PRRC2C: variants seen among roughly 807,000 people sequenced by gnomAD.
PRRC2C encodes proline rich coiled-coil 2C.
A neutral mutation model predicts 317.2 loss-of-function variants in PRRC2C; 72 were observed. The ratio of observed to expected loss-of-function variants is 0.23; its 90% CI spans 0.19 to 0.28. The LOEUF is 0.28. PRRC2C is among the 10% of genes least tolerant of loss of function. The probability of loss-of-function intolerance (pLI) is 1.00; values close to 1 mark genes in which losing one functional copy is unlikely to be tolerated. For synonymous variants in PRRC2C, 1,296 were observed against 1,205.9 expected, an observed-to-expected ratio of 1.07 and a Z score of -1.55; for missense variants, 3,074 against 3,459.7, an observed-to-expected ratio of 0.89 and a Z score of 2.80.
At chr1:171,516,132 C>A (rs1201416978) in intron 5 of PRRC2C, among the ~76,000 whole-genome samples, 3 of 152,084 alleles carry the variant, frequency 2.0e-5, no homozygotes, top group African/African-American at 7.2e-5. Context: ...TCATGTATAC[C>A]AATATTTGGA....
intron 25 of PRRC2C, 110 bp downstream of exon 25, chr1:171,575,238 TC>T (rs1685500975): frequency 1.8e-6 from 2 of 1,098,658 alleles, no homozygotes; most frequent in Non-Finnish European, 2.6e-6. Context: ...TATTCAATCT[TC>T]CCACCTCAGC....
At chr1:171,561,126 A>G (rs1402599735) in intron 20 of PRRC2C, 23 bp downstream of exon 20, 7 of 1,542,712 alleles carry the variant, frequency 4.5e-6, no homozygotes, top group Admixed American at 1.7e-5. Context: ...TTTTAACAGC[A>G]TAGGTGTGCT....
intron 6 of PRRC2C, among the ~76,000 whole-genome samples, 161 bp from the exon 7 acceptor site, chr1:171,522,016 A>G (rs948723040): frequency 2.5e-4 from 38 of 152,142 alleles, no homozygotes; most frequent in Non-Finnish European, 1.3e-4. Flanking sequence ...ATGGGTTGCT[A>G]TTGAGGATGA....
At chr1:171,503,523 CAAA>C (rs796466638) in intron 1 of PRRC2C, among the ~76,000 whole-genome samples, 1 of 126,418 alleles carries the variant, frequency 7.9e-6, no homozygotes. Context: ...GACTCCATCT[CAAA>C]AAAAAAAAAA....
At chr1:171,511,440 G>GA (rs1199660786) in intron 1 of PRRC2C, 5 of 151,990 alleles carry the variant, frequency 3.3e-5, no homozygotes, top group East Asian at 3.9e-4. Flanking sequence ...TATATGCTTT[G>GA]AAAAAAATGG....
chr1:171,509,014 G>A (rs1456853016), intron 1 of PRRC2C, among the ~76,000 whole-genome samples: 1 of 151,928 alleles, frequency 6.6e-6, no homozygotes, highest in African/African-American at 2.4e-5. Context: ...AGCCTCCCGA[G>A]TAGCTGGGAC....
chr1:171,546,567 A>G (rs772262403), intron 17 of PRRC2C, among the ~76,000 whole-genome samples: 13 of 152,100 alleles, frequency 8.5e-5, no homozygotes, highest in Non-Finnish European at 1.5e-4. Context: ...CATTACCTGG[A>G]AATTTGTGAG....
intron 6 of PRRC2C, among the ~76,000 whole-genome samples, 171 bp downstream of exon 6, chr1:171,517,985 TA>T (rs1672693001): frequency 6.6e-6 from 1 of 152,216 alleles, no homozygotes; most frequent in Non-Finnish European, 1.5e-5. Context: ...ACACATGGTG[TA>T]AACACCAGAA....
intron 1 of PRRC2C, among the ~76,000 whole-genome samples, chr1:171,504,318 G>A (rs767780720): frequency 5.3e-5 from 8 of 151,984 alleles, no homozygotes; most frequent in Non-Finnish European, 1.0e-4. Context: ...TTTATAGATT[G>A]TGCTTTTGGT....
At chr1:171,583,655 T>G (rs1291910996) in intron 28 of PRRC2C, among the ~76,000 whole-genome samples, 1 of 152,244 alleles carries the variant, frequency 6.6e-6, no homozygotes, top group East Asian at 1.9e-4. Flanking sequence ...TGTAACTGTA[T>G]GTACTGAACT....
rs371221453 is a variant in PRRC2C, at chr1:171,536,205, C to T, written c.2220C>T (p.Leu740=). 1.9e-6 allele frequency: 3 copies of T among 1,613,324 alleles called. No homozygotes were observed. The highest frequency in any genetic ancestry group is 2.5e-6 in the Non-Finnish European group (3 of 1,179,614). ...CTATGGGTTTTGATCCAAGGTGGCTCATGATGCAGTCCTACATGGATCCTC... is the reference window on the plus strand; with the variant it reads ...CTATGGGTTTTGATCCAAGGTGGCTTATGATGCAGTCCTACATGGATCCTC... ...LASMGFDPRW[L]MMQSYMDPRM... is the part of the protein sequence containing the mutation. Residue 740 remains leucine, a synonymous_variant, in exon 14 of 35, where the codon CTC becomes CTT. Coordinates refer to ENST00000647382, the MANE Select transcript of PRRC2C (RefSeq NM_001387844.1).
At chr1:171,527,736 A>G (rs139849492) in intron 10 of PRRC2C, 55 bp from the exon 11 acceptor site, 247,017 of 1,464,250 alleles carry the variant, frequency 0.17, 24,050 homozygotes, top group South Asian at 0.35. Context: ...AGCATGGGCA[A>G]CAGAGCAAGA....
chr1:171,560,789 A>T (rs1021014128), intron 19 of PRRC2C, among the ~76,000 whole-genome samples: 1 of 152,198 alleles, frequency 6.6e-6, no homozygotes, highest in African/African-American at 2.4e-5. Flanking sequence ...GATTTGCTTT[A>T]TTGCAATACT....
rs1018093420 is a variant in PRRC2C, at chr1:171,576,202, T to TG, written c.6955+1081dup. 2.0e-4 allele frequency among the ~76,000 whole-genome samples: 31 copies of TG among 152,242 alleles called. 1 individual carries two copies. Among genetic ancestry groups the TG allele is most frequent in the Admixed American group, 1.5e-3 (23 of 15,302 alleles). On this transcript the variant is annotated intron_variant, in intron 25 of 34. Coordinates refer to ENST00000647382, the MANE Select transcript of PRRC2C (RefSeq NM_001387844.1). The stretch of plus-strand genomic sequence containing the variant: ...GCTTGAGCCCCAGTCCACTTTGGGA[T>TG]GGGGGGGTTAGTGAAGGTGGTGTAA...
chr1:171,498,998 A>G (rs182133468), intron 1 of PRRC2C, among the ~76,000 whole-genome samples: 33 of 152,276 alleles, frequency 2.2e-4, no homozygotes, highest in African/African-American at 7.9e-4. Flanking sequence ...TTAGAGACCA[A>G]GATCTCTCAC....
chr1:171,575,191 T>G, intron 25 of PRRC2C, 63 bp downstream of exon 25: 7 of 1,410,866 alleles, frequency 5.0e-6, no homozygotes, highest in Non-Finnish European at 6.8e-6. Context: ...TTATGATCTC[T>G]TCTTGTTTAC....
In PRRC2C at chr1:171,591,885, GGA is replaced by G; in HGVS notation, c.*39_*40del. ...ATTGCAGGGGATTGGGAGGGGGGCGGGAAAACATGGAGAATTAAGTCAGATAA... is the reference window on the plus strand; with the variant it reads ...ATTGCAGGGGATTGGGAGGGGGGCGGAAACATGGAGAATTAAGTCAGATAA... On this transcript the variant is annotated 3_prime_UTR_variant, in exon 35 of 35. Transcript: ENST00000647382. 1 of 433,584 alleles carries G rather than the reference GGA, an allele frequency of 2.3e-6. No homozygotes were observed. The highest frequency in any genetic ancestry group is 4.3e-6 in the Non-Finnish European group (1 of 233,608). The allele number at this position is 433,584 out of a possible 1,614,324, so 26.9% of individuals were successfully genotyped here. A position where few individuals can be genotyped will look rare whatever the true frequency, so the allele number is the denominator to read the frequency against.
At chr1:171,580,472 T>TTA (rs1648295151) in intron 28 of PRRC2C, among the ~76,000 whole-genome samples, 1 of 152,188 alleles carries the variant, frequency 6.6e-6, no homozygotes, top group Non-Finnish European at 1.5e-5. Context: ...GCACTGTAAG[T>TTA]TACCTTTGCA....
rs144074257 is a variant in PRRC2C, at chr1:171,540,817, A to G, written c.3351A>G (p.Val1117=). The G allele has an allele frequency of 5.6e-6, 9 of 1,613,810 alleles. No homozygotes were observed. In the Admixed American group the frequency reaches 1.3e-4, roughly 24 times the overall value. The change falls in exon 16 of 35, where the codon GTA becomes GTG. Residue 1117 remains valine, a synonymous_variant. Transcript: ENST00000647382. Reference sequence around the variant, plus strand: ...TGGAACCTGTGAGTACTGTTCAGGTAGAGCCTGCAGTTAAGACTGTAAACC... The same window carrying G: ...TGGAACCTGTGAGTACTGTTCAGGTGGAGCCTGCAGTTAAGACTGTAAACC... ...KPLEPVSTVQ[V]EPAVKTVNQQ... is the part of the protein sequence containing the mutation.
Sources: allele counts gnomAD v4.1 joint callset (sites outside exome capture counted in the v4.1 genomes callset), GRCh38; gene constraint gnomAD v4.1.1; transcripts MANE v1.5; gene names NCBI Gene and HGNC (gene_info 2026-07-23, HGNC 2026-07-21).